GTF3C3: variants seen among roughly 807,000 people sequenced by gnomAD.
GTF3C3 encodes the protein general transcription factor IIIC subunit 3.
A neutral mutation model predicts 105.2 loss-of-function variants in GTF3C3; 75 were observed. The observed-to-expected ratio is 0.71, with a 90% CI of 0.59 to 0.86. The LOEUF is 0.86. Ranked by LOEUF, GTF3C3 falls within the 40% of genes least tolerant of loss-of-function variation. The pLI is 0.00. For missense variants in GTF3C3, 856 were observed against 1,076.5 expected (o/e 0.80, Z 2.87); for synonymous variants, 335 against 370.4 (o/e 0.90, Z 1.10).
chr2:196,776,406 C>T lies in GTF3C3; in HGVS notation c.1593+21G>A. ...AATATAATATACCAAGAAAAACTTC[C>T]CTCTATGTGACATGGCCCACCTGCT... On this transcript the variant is annotated intron_variant, in intron 11 of 17. Coordinates refer to ENST00000263956, the MANE Select transcript of GTF3C3 (RefSeq NM_012086.5). This position sits in a 1 kb window ranked among gnomAD's most constrained non-coding sequence, Gnocchi z 4.5. 1.3e-6 allele frequency: 2 copies of T among 1,592,328 alleles called. No homozygotes were observed. The highest frequency in any genetic ancestry group is 1.7e-6 in the Non-Finnish European group (2 of 1,162,692).
Position 196,776,604 on chromosome 2 carries a change from C to CAT in GTF3C3, c.1414_1415dup (p.Met472IlefsTer52). Reference sequence around the variant, plus strand: ...TGCCATAGCTTTCAGCAGCTCGCTCCATATAGCCTAAGGCCTTTAAACATT... The same window carrying CAT: ...TGCCATAGCTTTCAGCAGCTCGCTCCATATATAGCCTAAGGCCTTTAAACATT... On this transcript the variant is annotated frameshift_variant, in exon 11 of 18. Transcript: ENST00000263956. LOFTEE classifies it high-confidence loss of function. This position sits in a 1 kb window ranked among gnomAD's most constrained non-coding sequence, Gnocchi z 4.5. 2 of 1,613,956 alleles carry CAT rather than the reference C, an allele frequency of 1.2e-6. No homozygotes were observed. The highest frequency in any genetic ancestry group is 1.7e-6 in the Non-Finnish European group (2 of 1,179,876).
At chr2:196,766,823 A>G (rs1416858513) in intron 16 of GTF3C3, 106 bp from the exon 17 acceptor site, 2 of 785,852 alleles carry the variant, frequency 2.5e-6, no homozygotes, top group Non-Finnish European at 2.0e-6. Flanking sequence ...TTAAAAACCT[A>G]TCTATCTGCT....
chr2:196,776,148 A>T lies in GTF3C3; in HGVS notation c.1594-37T>A. ...AGCACATGATGATGAGCCTAACAAG[A>T]TTCCTTTTCTACAAATTGTTTTATT... On this transcript the variant is annotated intron_variant, in intron 11 of 17. Coordinates refer to ENST00000263956, the MANE Select transcript of GTF3C3 (RefSeq NM_012086.5). This position sits in a 1 kb window ranked among gnomAD's most constrained non-coding sequence, Gnocchi z 4.5. The T allele has an allele frequency of 9.4e-7, 1 of 1,068,330 alleles. No homozygotes were observed. The highest frequency in any genetic ancestry group is 1.4e-6 in the Non-Finnish European group (1 of 716,382). 66.2% of individuals were successfully genotyped at this position (1,068,330 alleles called of 1,614,324 possible).
intron 16 of GTF3C3, among the ~76,000 whole-genome samples, chr2:196,767,494 G>A (rs1315881672): frequency 1.3e-5 from 2 of 152,106 alleles, no homozygotes; most frequent in Non-Finnish European, 2.9e-5. Context: ...AATATAAAAT[G>A]TAATTATTCT....
chr2:196,778,704 A>G, intron 10 of GTF3C3, 192 bp downstream of exon 10: 1 of 594,772 alleles, frequency 1.7e-6, no homozygotes, highest in Non-Finnish European at 3.0e-6. Flanking sequence ...TCATTAAGTA[A>G]ATCATTCCTC....
At chr2:196,783,452 C>T (rs2125746722) in intron 8 of GTF3C3, among the ~76,000 whole-genome samples, 1 of 152,194 alleles carries the variant, frequency 6.6e-6, no homozygotes, top group East Asian at 1.9e-4. Flanking sequence ...AAAATAATAA[C>T]TTCATTGGGC....
chr2:196,771,637 G>A, intron 15 of GTF3C3, 111 bp downstream of exon 15: 1 of 665,266 alleles, frequency 1.5e-6, no homozygotes, highest in East Asian at 2.7e-5. Flanking sequence ...GGAGGAGGTA[G>A]AATAATTTGT....
intron 9 of GTF3C3, 111 bp from the exon 10 acceptor site, chr2:196,779,178 A>G: frequency 6.2e-6 from 5 of 802,168 alleles, no homozygotes; most frequent in Non-Finnish European, 7.9e-6. Flanking sequence ...CCCACGCTGG[A>G]GTGCAGTGGC....
At chr2:196,789,852 G>C in intron 5 of GTF3C3, 27 bp downstream of exon 5, 2 of 1,327,808 alleles carry the variant, frequency 1.5e-6, no homozygotes, top group South Asian at 2.8e-5. Context: ...GCTTGTAAAA[G>C]TGAAAAAAAA....
rs771400985 is a variant in GTF3C3, at chr2:196,789,873, A to C, written c.727+6T>G. 6.5e-7 allele frequency: 1 copy of C among 1,528,984 alleles called. No homozygotes were observed. Among genetic ancestry groups the C allele is most frequent in the Non-Finnish European group, 8.8e-7 (1 of 1,140,198 alleles). The allele number at this position is 1,528,984 out of a possible 1,614,324, so 94.7% of individuals were successfully genotyped here. A position where few individuals can be genotyped will look rare whatever the true frequency, so the allele number is the denominator to read the frequency against. ...AAAAGTGAAAAAAAAAAAAAATTTT[A>C]ATTACCTTTTGTATAGCAAAAAATA... On this transcript the variant is annotated splice_donor_region_variant and intron_variant, in intron 5 of 17. Transcript: ENST00000263956.
At chr2:196,782,711 C>T (rs1016345133) in intron 8 of GTF3C3, among the ~76,000 whole-genome samples, 2 of 152,150 alleles carry the variant, frequency 1.3e-5, no homozygotes, top group African/African-American at 4.8e-5. Context: ...GAGGTCACTT[C>T]ATAATGCTAC....
intron 16 of GTF3C3, among the ~76,000 whole-genome samples, chr2:196,768,509 A>G (rs945640761): frequency 2.6e-5 from 4 of 152,218 alleles, no homozygotes; most frequent in African/African-American, 7.2e-5. Flanking sequence ...AAGATAATAA[A>G]CCATAAAAAA....
Position 196,769,921 on chromosome 2 carries a change from A to T in GTF3C3, c.2379T>A (p.Ile793=). ...AGAAATTTGAATGAATTACCTGTAC[A>T]ATAAGAGCATGTCTCCGTAACACAT... ...QKYVLRRHAL[I]VQGFSFLNRY... is the part of the protein sequence containing the mutation. The change falls in exon 16 of 18, where the codon ATT becomes ATA. Residue 793 remains isoleucine, a synonymous_variant. Transcript: ENST00000263956. The T allele has an allele frequency of 6.2e-7, 1 of 1,607,472 alleles. No homozygotes were observed. The highest frequency in any genetic ancestry group is 1.7e-5 in the Admixed American group (1 of 59,426).
chr2:196,797,860 A>C lies in GTF3C3; in HGVS notation c.151T>G (p.Ser51Ala). Residue 51 changes from serine (S) to alanine (A), a missense_variant, in exon 2 of 18, where the codon TCT becomes GCT. Physicochemically the swap from Ser to Ala is moderately conservative, Grantham distance 99. Around this residue, in one of 3 missense-constraint regions of GTF3C3, gnomAD observed 117 missense variants for 114.0 expected, o/e 1.03. Coordinates refer to ENST00000263956, the MANE Select transcript of GTF3C3 (RefSeq NM_012086.5). ...KLSAEENPDD[S>A]EVPSSSGINS... ...ATTCCTGATGATGATGGAACTTCAG[A>C]GTCATCGGGATTTTCTTCAGCTGAT... is the stretch of plus-strand genomic sequence containing the variant. 6.2e-7 allele frequency: 1 copy of C among 1,612,934 alleles called. No individual in the cohort carries two copies. The highest frequency in any genetic ancestry group is 8.5e-7 in the Non-Finnish European group (1 of 1,178,892).
intron 13 of GTF3C3, among the ~76,000 whole-genome samples, chr2:196,774,567 C>T (rs1699229893): frequency 6.6e-6 from 1 of 152,136 alleles, no homozygotes; most frequent in Non-Finnish European, 1.5e-5. Flanking sequence ...AACCATGGAC[C>T]TCCAGTGAGG....
chr2:196,773,616 T>C, intron 13 of GTF3C3: 1 of 408,948 alleles, frequency 2.4e-6, no homozygotes, highest in Non-Finnish European at 5.0e-6. Context: ...TATTGTGCAC[T>C]TTATTTCCAT....
intron 8 of GTF3C3, among the ~76,000 whole-genome samples, chr2:196,782,356 G>GA (rs112897872): frequency 0.26 from 40,235 of 152,166 alleles, 6,194 homozygotes; most frequent in African/African-American, 0.43. Context: ...TTTTGTTAGA[G>GA]AGTCCAAACG....
chr2:196,789,836 G>A, intron 5 of GTF3C3, 43 bp downstream of exon 5: 1 of 1,213,884 alleles, frequency 8.2e-7, no homozygotes, highest in South Asian at 1.5e-5. Flanking sequence ...AACCTATTAT[G>A]TAACAGCTTG....
intron 10 of GTF3C3, chr2:196,777,782 A>G (rs1482921382): frequency 2.0e-5 from 3 of 152,222 alleles, no homozygotes; most frequent in African/African-American, 7.2e-5. Flanking sequence ...ATTCATCTCA[A>G]GCCACATGGG....
Sources: gnomAD v4.1 joint callset for allele counts (sites outside exome capture counted in the v4.1 genomes callset) on GRCh38, gnomAD v4.1.1 for gene constraint, gnomAD v4.1.1 regional missense constraint, Gnocchi (gnomAD v3.1) non-coding constraint, MANE v1.5 for transcripts, NCBI Gene and HGNC (gene_info 2026-07-23, HGNC 2026-07-21) for gene names.